The following NPAS3 variants were observed in gnomAD, a reference collection of about 807,000 sequenced individuals.
NPAS3 encodes neuronal PAS domain-containing protein 3.
NPAS3 carries 14 observed loss-of-function variants against 73.1 expected under a neutral mutation model. The ratio of observed to expected loss-of-function variants is 0.19; its 90% CI spans 0.13 to 0.30. The LOEUF (loss-of-function observed/expected upper bound fraction) is 0.30, where lower values mean the gene tolerates loss of function less well. Among genes scored for constraint, NPAS3 ranks in the 10% least tolerant of loss-of-function variants. The probability of loss-of-function intolerance (pLI) is 1.00; values close to 1 mark genes in which losing one functional copy is unlikely to be tolerated. For synonymous variants in NPAS3, 620 were observed against 541.5 expected, an observed-to-expected ratio of 1.14 and a Z score of -2.01; for missense variants, 1,096 against 1,250.0, an observed-to-expected ratio of 0.88 and a Z score of 1.86.
intron 2 of NPAS3, among the ~76,000 whole-genome samples, chr14:33,139,676 C>T (rs977867746): frequency 6.6e-6 from 1 of 152,184 alleles, no homozygotes; most frequent in African/African-American, 2.4e-5. Context: ...GAATGGTAGC[C>T]ATTAGCCCTA....
intron 6 of NPAS3, among the ~76,000 whole-genome samples, chr14:33,710,844 T>C (rs2060798406): frequency 6.6e-6 from 1 of 152,224 alleles, no homozygotes; most frequent in Non-Finnish European, 1.5e-5. Context: ...TTTGAACATA[T>C]CTTACAAACA....
chr14:33,275,039 T>G (rs1052103086), intron 3 of NPAS3, among the ~76,000 whole-genome samples: 2 of 152,214 alleles, frequency 1.3e-5, no homozygotes, highest in South Asian at 4.1e-4. Flanking sequence ...CTTGCTTCTC[T>G]GAATTTACAA....
chr14:32,978,726 CCTTT>C (rs2037786226), intron 1 of NPAS3, among the ~76,000 whole-genome samples: 1 of 152,134 alleles, frequency 6.6e-6, no homozygotes, highest in Admixed American at 6.5e-5. Context: ...TCAGTTTACT[CCTTT>C]CAGAAATGGA....
At chr14:33,251,466 C>A (rs1411104813) in intron 3 of NPAS3, among the ~76,000 whole-genome samples, 1 of 152,110 alleles carries the variant, frequency 6.6e-6, no homozygotes, top group Non-Finnish European at 1.5e-5. Context: ...ATTATAGCCA[C>A]TGTGTTGCTT....
intron 2 of NPAS3, among the ~76,000 whole-genome samples, chr14:33,182,301 G>A (rs937979790): frequency 6.6e-6 from 1 of 152,082 alleles, no homozygotes; most frequent in Admixed American, 6.5e-5. Context: ...ATAGTAGTAT[G>A]AAATACATAA....
At chr14:33,477,431 A>G (rs765635848) in intron 4 of NPAS3, among the ~76,000 whole-genome samples, 2 of 152,148 alleles carry the variant, frequency 1.3e-5, no homozygotes, top group Non-Finnish European at 2.9e-5. Flanking sequence ...GTCCATCCCT[A>G]ACTCTGAACA....
chr14:33,036,301 A>G (rs1338134973), intron 1 of NPAS3, among the ~76,000 whole-genome samples: 1 of 152,146 alleles, frequency 6.6e-6, no homozygotes, highest in East Asian at 1.9e-4. Context: ...AAAGTATATA[A>G]TAACTGCTGG....
chr14:33,550,468 A>G (rs1259656598), intron 4 of NPAS3, among the ~76,000 whole-genome samples: 3 of 152,222 alleles, frequency 2.0e-5, no homozygotes, highest in Non-Finnish European at 4.4e-5. Flanking sequence ...ATGTTAGCAA[A>G]CCATAAAAAT....
At chr14:33,267,672 T>C (rs192841348) in intron 3 of NPAS3, among the ~76,000 whole-genome samples, 30 of 152,374 alleles carry the variant, frequency 2.0e-4, no homozygotes, top group Non-Finnish European at 4.3e-4. Flanking sequence ...CAAAAGAATT[T>C]AAGTTTGAAA....
At chr14:33,087,142 A>AATATAGTATACAATATAATATTGTATACT (rs1566545742) in intron 2 of NPAS3, among the ~76,000 whole-genome samples, 92 of 93,770 alleles carry the variant, frequency 9.8e-4, no homozygotes, top group African/African-American at 5.2e-3. Context: ...ATTGTATAAT[A>AATATAGTATACAATATAATATTGTATACT]ATATAGTATA....
At chr14:33,628,439 T>C (rs2058282989) in intron 5 of NPAS3, among the ~76,000 whole-genome samples, 1 of 152,224 alleles carries the variant, frequency 6.6e-6, no homozygotes, top group Admixed American at 6.5e-5. Context: ...TAATTGTGGA[T>C]CAATTGTGCC....
At chr14:33,148,484 C>T (rs181989338) in intron 2 of NPAS3, among the ~76,000 whole-genome samples, 218 of 152,212 alleles carry the variant, frequency 1.4e-3, no homozygotes, top group African/African-American at 4.6e-3. Context: ...TAGAGATACA[C>T]ACTGGATTTC....
At chr14:33,321,087 C>T (rs1164293823) in intron 3 of NPAS3, among the ~76,000 whole-genome samples, 3 of 152,128 alleles carry the variant, frequency 2.0e-5, no homozygotes, top group African/African-American at 7.2e-5. Flanking sequence ...GGGCTTTGCA[C>T]ACCTCCCCTA....
intron 3 of NPAS3, among the ~76,000 whole-genome samples, chr14:33,273,827 GT>G (rs912094483): frequency 6.6e-6 from 1 of 152,142 alleles, no homozygotes; most frequent in African/African-American, 2.4e-5. Flanking sequence ...GTGGTAAGCA[GT>G]CACTCAGTGG....
intron 5 of NPAS3, among the ~76,000 whole-genome samples, chr14:33,577,400 G>A (rs1276067820): frequency 6.6e-6 from 1 of 152,126 alleles, no homozygotes; most frequent in Non-Finnish European, 1.5e-5. Flanking sequence ...TTTATCTTTA[G>A]CAGCCAGGTA....
intron 2 of NPAS3, among the ~76,000 whole-genome samples, chr14:33,197,268 T>TGTGTGTGTGTGTGTGTG (rs1555353808): frequency 2.0e-5 from 2 of 97,924 alleles, no homozygotes; most frequent in African/African-American, 6.2e-5. Flanking sequence ...TGTGTGTGTG[T>TGTGTGTGTGTGTGTGTG]TCTTTTTCAA....
At chr14:33,135,851 G>C (rs2043812008) in intron 2 of NPAS3, among the ~76,000 whole-genome samples, 2 of 152,006 alleles carry the variant, frequency 1.3e-5, no homozygotes, top group Admixed American at 6.6e-5. Context: ...AGAAATGATT[G>C]GTAGTCCATC....
chr14:33,310,532 A>G (rs775450243), intron 3 of NPAS3, among the ~76,000 whole-genome samples: 2 of 152,180 alleles, frequency 1.3e-5, no homozygotes, highest in East Asian at 3.9e-4. Context: ...CACAGTCAAC[A>G]TTCAAACAGA....
At chr14:33,697,104 G>GT in intron 6 of NPAS3, among the ~76,000 whole-genome samples, 1 of 152,186 alleles carries the variant, frequency 6.6e-6, no homozygotes, top group East Asian at 1.9e-4. Flanking sequence ...CCTATTCTAG[G>GT]TCTGAAGCTC....
Sources: gnomAD v4.1 joint callset for allele counts (sites outside exome capture counted in the v4.1 genomes callset) on GRCh38, gnomAD v4.1.1 for gene constraint, MANE v1.5 for transcripts, NCBI Gene and HGNC (gene_info 2026-07-23, HGNC 2026-07-21) for gene names.